Variants in PDHX observed in about 807,000 individuals in gnomAD.
The protein encoded by PDHX is pyruvate dehydrogenase protein X component, mitochondrial.
Under a neutral mutation model 55.3 loss-of-function variants are expected in PDHX, and 33 were observed. The observed-to-expected ratio is 0.60, with a 90% CI of 0.45 to 0.80. The LOEUF is 0.80. PDHX is among the 30% of genes least tolerant of loss of function. The pLI, the probability that PDHX is intolerant of heterozygous loss-of-function variation, is 0.00. For missense variants in PDHX, 622 were observed against 619.9 expected, an observed-to-expected ratio of 1.00 and a Z score of -0.04; for synonymous variants, 226 against 219.4, an observed-to-expected ratio of 1.03 and a Z score of -0.27.
intron 9 of PDHX, among the ~76,000 whole-genome samples, chr11:34,985,982 G>A (rs1040593578): frequency 1.3e-5 from 2 of 152,154 alleles, no homozygotes; most frequent in African/African-American, 4.8e-5. Flanking sequence ...TTTGCAGAAA[G>A]TGTTTGATCG....
intron 1 of PDHX, among the ~76,000 whole-genome samples, chr11:34,923,294 A>G (rs1472400223): frequency 1.3e-5 from 2 of 152,192 alleles, no homozygotes; most frequent in Non-Finnish European, 2.9e-5. Flanking sequence ...ACTTTATTAT[A>G]TGAAACATTC....
At chr11:34,985,864 A>G (rs1230436050) in intron 9 of PDHX, among the ~76,000 whole-genome samples, 1 of 152,258 alleles carries the variant, frequency 6.6e-6, no homozygotes. Flanking sequence ...TTTTAAAAGC[A>G]TACCCATAAA....
At chr11:34,985,099 C>A (rs1048499014) in intron 9 of PDHX, among the ~76,000 whole-genome samples, 1 of 152,230 alleles carries the variant, frequency 6.6e-6, no homozygotes, top group Non-Finnish European at 1.5e-5. Context: ...ATATTAATAA[C>A]ATTTTATTCT....
intron 9 of PDHX, 101 bp from the exon 10 acceptor site, chr11:34,992,214 C>A: frequency 1.4e-6 from 1 of 694,766 alleles, no homozygotes; most frequent in East Asian, 2.7e-5. Flanking sequence ...CAAATCAAGG[C>A]ATATCAGAGA....
In PDHX at chr11:34,986,212, T is replaced by C. The variant is rs12286583; in HGVS notation, c.1182+1484T>C. On this transcript the variant is annotated intron_variant, in intron 9 of 10. Coordinates refer to ENST00000227868, the MANE Select transcript of PDHX (RefSeq NM_003477.3). ...CTGAACTATTCGCGTGACGGAGGCA[T>C]GAGAATTGCTTGAACCTGGGAGGCA... is the stretch of plus-strand genomic sequence containing the variant. Among the ~76,000 whole-genome samples, 916 of 150,442 alleles carry C rather than the reference T, an allele frequency of 6.1e-3. 5 individuals carry two copies. Among genetic ancestry groups the C allele is most frequent in the African/African-American group, 0.021 (874 of 40,714 alleles).
intron 3 of PDHX, among the ~76,000 whole-genome samples, chr11:34,952,368 C>T (rs1462809579): frequency 6.6e-6 from 1 of 152,110 alleles, no homozygotes; most frequent in Non-Finnish European, 1.5e-5. Flanking sequence ...GATACCAAAG[C>T]CGGGCAGAGA....
upstream of PDHX, chr11:34,916,176 C>T (rs375386462): frequency 2.2e-4 from 347 of 1,580,888 alleles, no homozygotes; most frequent in African/African-American, 4.2e-3. Flanking sequence ...CGCCGGGTCC[C>T]GCCTGGGCCT....
rs753349575 is a variant in PDHX at position 34,984,754 on chromosome 11, T to C, written c.1182+26T>C. 5.0e-6 allele frequency: 8 copies of C among 1,607,086 alleles called. No individual in the cohort carries two copies. The Admixed American group carries it at 8.3e-5, about 17-fold the overall frequency. On this transcript the variant is annotated intron_variant, in intron 9 of 10. Transcript: ENST00000227868. ...GTATGTCTTAAGAAAGAGTGTGCTT[T>C]CAAAATGTTAGCATATACTTTTGGA...
intron 1 of PDHX, 102 bp downstream of exon 1, chr11:34,916,917 C>T (rs369233195): frequency 3.5e-6 from 4 of 1,147,998 alleles, no homozygotes; most frequent in South Asian, 2.6e-5. Flanking sequence ...TGAAGGTGCG[C>T]GGGCTCCTTA....
At chr11:34,982,889 T>C (rs951175603) in intron 8 of PDHX, among the ~76,000 whole-genome samples, 3 of 152,000 alleles carry the variant, frequency 2.0e-5, no homozygotes, top group Non-Finnish European at 4.4e-5. Context: ...TTCCAATCAA[T>C]AGAAAAAGAG....
At chr11:34,967,085 C>T (rs1325114245) in intron 6 of PDHX, among the ~76,000 whole-genome samples, 1 of 152,164 alleles carries the variant, frequency 6.6e-6, no homozygotes, top group Non-Finnish European at 1.5e-5. Flanking sequence ...CTCCTGACTT[C>T]AGGTGATCCA....
At chr11:34,961,055 A>T (rs1283888336) in intron 5 of PDHX, among the ~76,000 whole-genome samples, 1 of 152,156 alleles carries the variant, frequency 6.6e-6, no homozygotes, top group Non-Finnish European at 1.5e-5. Context: ...TATGCTTTAA[A>T]ATCTGATAAC....
chr11:34,924,651 T>G (rs1005810473), intron 1 of PDHX, among the ~76,000 whole-genome samples: 1 of 152,206 alleles, frequency 6.6e-6, no homozygotes, highest in African/African-American at 2.4e-5. Context: ...CCAGTACCTA[T>G]TCTCTAAATC....
intron 9 of PDHX, among the ~76,000 whole-genome samples, chr11:34,987,036 C>G (rs867094814): frequency 9.2e-5 from 14 of 152,244 alleles, no homozygotes; most frequent in South Asian, 6.2e-4. Context: ...ATAAATTTGC[C>G]CAAGGCAATA....
intron 3 of PDHX, among the ~76,000 whole-genome samples, chr11:34,948,573 CTTT>C (rs34358212): frequency 3.0e-3 from 407 of 135,014 alleles, no homozygotes; most frequent in Middle Eastern, 7.7e-3. Context: ...TCCTCTTTTC[CTTT>C]TTTTTTTTTT....
intron 9 of PDHX, among the ~76,000 whole-genome samples, chr11:34,986,557 A>G (rs904747708): frequency 8.5e-5 from 13 of 152,194 alleles, no homozygotes; most frequent in African/African-American, 2.4e-4. Context: ...CCTTATTTTT[A>G]TATACATTAA....
upstream of PDHX, chr11:34,916,280 G>A (rs771070943): frequency 1.2e-6 from 2 of 1,612,438 alleles, no homozygotes; most frequent in Admixed American, 1.7e-5. Flanking sequence ...ATCACAGCCA[G>A]ACATGGCCCA....
chr11:34,942,250 G>GA (rs982105870), intron 2 of PDHX, among the ~76,000 whole-genome samples: 13 of 152,004 alleles, frequency 8.6e-5, no homozygotes, highest in African/African-American at 3.1e-4. Context: ...ACAGAATATG[G>GA]AAAAAAACCG....
At chr11:34,916,566 G>C, upstream of PDHX, 2 of 1,555,424 alleles carry the variant, frequency 1.3e-6, no homozygotes, top group Admixed American at 3.6e-5. Flanking sequence ...CACCGCTAGC[G>C]TCTGGGGGCG....
Sources: gnomAD v4.1 joint callset for allele counts (sites outside exome capture counted in the v4.1 genomes callset) on GRCh38, gnomAD v4.1.1 for gene constraint, MANE v1.5 for transcripts, NCBI Gene and HGNC (gene_info 2026-07-23, HGNC 2026-07-21) for gene names.